DDX56: variants seen among roughly 807,000 people sequenced by gnomAD.
DDX56 encodes the protein DEAD-box helicase 56, also known as probable ATP-dependent RNA helicase DDX56.
DDX56 carries 45 observed loss-of-function variants against 61.5 expected under a neutral mutation model. That is an observed-to-expected ratio of 0.73 (90% CI 0.58 to 0.94). DDX56 has a LOEUF of 0.94. Ranked by LOEUF, DDX56 falls within the 40% of genes least tolerant of loss-of-function variation. The pLI is 0.00. For missense variants in DDX56, 708 were observed against 690.7 expected, an observed-to-expected ratio of 1.02 and a Z score of -0.28; for synonymous variants, 273 against 268.3, an observed-to-expected ratio of 1.02 and a Z score of -0.17.
At chr7:44,566,553 G>C in intron 12 of DDX56, 29 bp from the exon 13 acceptor site, 1 of 1,503,644 alleles carries the variant, frequency 6.7e-7, no homozygotes, top group Non-Finnish European at 9.0e-7. Context: ...TGAGCAGTGG[G>C]CTCACCGCTA....
intron 12 of DDX56, among the ~76,000 whole-genome samples, chr7:44,567,331 C>T (rs951772517): frequency 2.6e-5 from 4 of 152,222 alleles, no homozygotes; most frequent in Non-Finnish European, 5.9e-5. Flanking sequence ...GGCTGCAGGT[C>T]CAGGCTGAGC....
rs1009034583 is a variant in DDX56, at chr7:44,572,647, C to T, written c.481G>A (p.Glu161Lys). Residue 161 changes from glutamate (E) to lysine (K), a missense_variant, in exon 4 of 14, where the codon GAG (glutamate) becomes AAG (lysine). By Grantham distance (56) the Glu-to-Lys change is moderately conservative. Transcript: ENST00000258772. Reference sequence around the variant, plus strand: ...TCAGCTTCGTCCACCACCAAAAGCTCCAGGGAGTCACGAAGTTTCAGGCTG... The same window carrying T: ...TCAGCTTCGTCCACCACCAAAAGCTTCAGGGAGTCACGAAGTTTCAGGCTG... ...QDSLKLRDSL[E>K]LLVVDEADLL... is the part of the protein sequence containing the mutation. The T allele has an allele frequency of 1.2e-6, 2 of 1,614,064 alleles. No homozygotes were observed. The highest frequency in any genetic ancestry group is 8.5e-7 in the Non-Finnish European group (1 of 1,180,040).
Position 44,573,478 on chromosome 7 carries a change from C to T in DDX56, c.222+105G>A. On this transcript the variant is annotated intron_variant, in intron 2 of 13. Coordinates refer to ENST00000258772, the MANE Select transcript of DDX56 (RefSeq NM_019082.4). ...AACAGCACCAGGTTCTCAGGCCGGCCTGCACGGGTACAGGGCCAAGAGAAA... is the reference window on the plus strand; with the variant it reads ...AACAGCACCAGGTTCTCAGGCCGGCTTGCACGGGTACAGGGCCAAGAGAAA... The T allele has an allele frequency of 3.4e-6, 5 of 1,452,588 alleles. No homozygotes were observed. In the South Asian group the frequency reaches 6.5e-5, roughly 19 times the overall value. The allele number at this position is 1,452,588 out of a possible 1,614,324, so 90.0% of individuals were successfully genotyped here.
chr7:44,570,259 A>C (rs1802638867), intron 7 of DDX56, 131 bp from the exon 8 acceptor site: 21 of 1,168,992 alleles, frequency 1.8e-5, no homozygotes, highest in East Asian at 2.6e-5. Context: ...CTCTCCAACA[A>C]TGGAACCGTT....
chr7:44,570,933 T>C, intron 6 of DDX56, 56 bp from the exon 7 acceptor site: 1 of 1,571,886 alleles, frequency 6.4e-7, no homozygotes, highest in African/African-American at 1.4e-5. Context: ...AAGGCCCCTC[T>C]GCCATCCCTA....
At chr7:44,572,112 G>A (rs1802690568) in intron 5 of DDX56, among the ~76,000 whole-genome samples, 1 of 152,198 alleles carries the variant, frequency 6.6e-6, no homozygotes, top group African/African-American at 2.4e-5. Flanking sequence ...CTTAGGGGAG[G>A]TCCTTGCTCA....
chr7:44,573,783 C>A lies in DDX56; in HGVS notation c.61-39G>T, dbSNP rs551245216. On this transcript the variant is annotated intron_variant, in intron 1 of 13. Transcript: ENST00000258772. ...AGTGCGGTTTAAGCGGCGTGAAGAG[C>A]GATGGCGCGCCCCGCAGAGCCCGTA... 9 of 1,613,404 alleles carry A rather than the reference C, an allele frequency of 5.6e-6. No individual in the cohort carries two copies. The Admixed American group carries it at 8.3e-5, about 15-fold the overall frequency.
chr7:44,570,714 A>G, intron 7 of DDX56, 44 bp downstream of exon 7: 1 of 1,576,514 alleles, frequency 6.3e-7, no homozygotes, highest in Non-Finnish European at 8.6e-7. Flanking sequence ...AGCTAAAAAC[A>G]CAGGCATTTC....
chr7:44,570,033 T>C lies in DDX56; in HGVS notation c.1106A>G (p.Tyr369Cys). The change falls in exon 8 of 14, where the codon TAC (tyrosine) becomes TGC (cysteine). Residue 369 changes from tyrosine to cysteine, a missense_variant. Coordinates refer to ENST00000258772, the MANE Select transcript of DDX56 (RefSeq NM_019082.4). ...CTACTACCTGCCAGCTCGATGGATG[T>C]AGGCCTCAGGGGTTGGGGGAAGATC... ...NFDLPPTPEAYIHRAGRTARA... is the reference protein window; with the variant it reads ...NFDLPPTPEACIHRAGRTARA... 6.2e-7 allele frequency: 1 copy of C among 1,614,192 alleles called. No individual in the cohort carries two copies.
chr7:44,569,829 A>T lies in DDX56; in HGVS notation c.1199T>A (p.Ile400Asn), dbSNP rs760667395. Residue 400 changes from isoleucine (I) to asparagine (N), a missense_variant, in exon 9 of 14, where the codon ATT (isoleucine) becomes AAT (asparagine). Transcript: ENST00000258772. ...LPTEQFHLGK[I>N]EELLSGENRG... ...CTTACCTCCACTGAGAAGCTCCTCA[A>T]TCTTGCCTAAGTGGAACTGCTCCGT... 6.2e-7 allele frequency: 1 copy of T among 1,609,494 alleles called. No individual in the cohort carries two copies. The highest frequency in any genetic ancestry group is 8.5e-7 in the Non-Finnish European group (1 of 1,177,496).
chr7:44,572,246 C>T, intron 5 of DDX56, 101 bp downstream of exon 5: 2 of 968,252 alleles, frequency 2.1e-6, no homozygotes, highest in South Asian at 2.8e-5. Flanking sequence ...TAAGTGACAA[C>T]TGTCCCACCC....
At position 44,570,123 on chromosome 7, in the gene DDX56, G is replaced by A; in HGVS notation, c.1016C>T (p.Ser339Phe). 1 of 1,613,976 alleles carries A rather than the reference G, an allele frequency of 6.2e-7. No homozygotes were observed. Among genetic ancestry groups the A allele is most frequent in the East Asian group, 2.2e-5 (1 of 44,884 alleles). ...CCGGGCCACACCTGCTTCCGGATCA[G>A]AGGCCCTGCAGAGATAACTCAATGT... Reference protein sequence around the residue: ...RGRGPKGDKASDPEAGVARGI... With the variant: ...RGRGPKGDKAFDPEAGVARGI... The change falls in exon 8 of 14, where the codon TCT becomes TTT. Residue 339 changes from serine to phenylalanine, a missense_variant. Coordinates refer to ENST00000258772, the MANE Select transcript of DDX56 (RefSeq NM_019082.4).
intron 9 of DDX56, 76 bp downstream of exon 9, chr7:44,569,733 A>G: frequency 1.5e-6 from 2 of 1,305,930 alleles, no homozygotes; most frequent in South Asian, 1.3e-5. Context: ...GACCTCTGTC[A>G]TCATTATCAT....
Position 44,565,974 on chromosome 7 carries a change from TGCTCA to T in DDX56, c.*23_*27del. On this transcript the variant is annotated 3_prime_UTR_variant, in exon 14 of 14. Coordinates refer to ENST00000258772, the MANE Select transcript of DDX56 (RefSeq NM_019082.4). Reference sequence around the variant, plus strand: ...GGGTGTAAGCCTGTGCTCCACAATGTGCTCAGCTCCAGAGAGGCCCAACAACCTCA... The same window carrying T: ...GGGTGTAAGCCTGTGCTCCACAATGTGCTCCAGAGAGGCCCAACAACCTCA... 6.4e-7 allele frequency: 1 copy of T among 1,555,836 alleles called. No individual in the cohort carries two copies. Among genetic ancestry groups the T allele is most frequent in the South Asian group, 1.1e-5 (1 of 88,474 alleles).
At position 44,569,135 on chromosome 7, in the gene DDX56, A is replaced by C; in HGVS notation, c.1288T>G (p.Cys430Gly). Residue 430 changes from cysteine (C) to glycine (G), a missense_variant, in exon 10 of 14, where the codon TGC (cysteine) becomes GGC (glycine). By Grantham distance (159) the Cys-to-Gly change is radical. Coordinates refer to ENST00000258772, the MANE Select transcript of DDX56 (RefSeq NM_019082.4). The part of the protein sequence containing the change: ...MEEIEGFRYR[C>G]RDAMRSVTKQ... ...TCCCCACCACAGCAGCTCACCCTGC[A>C]GCGATAGCGGAAGCCCTCGATCTCC... 2.5e-6 allele frequency: 4 copies of C among 1,613,832 alleles called. No homozygotes were observed. The highest frequency in any genetic ancestry group is 3.4e-6 in the Non-Finnish European group (4 of 1,179,752).
intron 9 of DDX56, 139 bp downstream of exon 9, chr7:44,569,670 A>T: frequency 1.3e-6 from 1 of 760,564 alleles, no homozygotes; most frequent in Non-Finnish European, 2.2e-6. Flanking sequence ...AGTGCCTGCC[A>T]CTCAGGGCAG....
chr7:44,566,130 T>TCCGGGGGGGGGGGGGGGC, intron 13 of DDX56, 51 bp from the exon 14 acceptor site: 1 of 1,227,946 alleles, frequency 8.1e-7, no homozygotes. Flanking sequence ...CGACAGACAA[T>TCCGGGGGGGGGGGGGGGC]CCACCCACCC....
rs769815888 is a variant in DDX56, at chr7:44,570,132, C to G, written c.1011-4G>C. 6.8e-6 allele frequency: 11 copies of G among 1,613,640 alleles called. No individual in the cohort carries two copies. The highest frequency in any genetic ancestry group is 9.3e-6 in the Non-Finnish European group (11 of 1,179,992). Reference sequence around the variant, plus strand: ...ACCTGCTTCCGGATCAGAGGCCCTGCAGAGATAACTCAATGTCAGCCGGAC... The same window carrying G: ...ACCTGCTTCCGGATCAGAGGCCCTGGAGAGATAACTCAATGTCAGCCGGAC... On this transcript the variant is annotated splice_region_variant and splice_polypyrimidine_tract_variant and intron_variant, in intron 7 of 13. Transcript: ENST00000258772.
intron 12 of DDX56, 39 bp from the exon 13 acceptor site, chr7:44,566,563 ACTGCTCC>A: frequency 6.8e-7 from 1 of 1,474,386 alleles, no homozygotes; most frequent in South Asian, 1.3e-5. Context: ...GCTCACCGCT[ACTGCTCC>A]CATCCCTGCC....
Sources: allele counts gnomAD v4.1 joint callset (sites outside exome capture counted in the v4.1 genomes callset), GRCh38; gene constraint gnomAD v4.1.1; transcripts MANE v1.5; gene names NCBI Gene and HGNC (gene_info 2026-07-23, HGNC 2026-07-21).